The following GRM7 variants were observed in gnomAD, a reference collection of about 807,000 sequenced individuals.
The protein encoded by GRM7 is glutamate metabotropic receptor 7.
In GRM7, 35 loss-of-function variants were observed where a neutral mutation model predicts 84.5. That is an observed-to-expected ratio of 0.41 (90% confidence interval 0.32 to 0.55). The LOEUF is 0.55. Ranked by LOEUF, GRM7 falls within the 20% of genes least tolerant of loss-of-function variation. GRM7 has a pLI of 0.19. For missense variants in GRM7, 1,003 were observed against 1,194.6 expected, an observed-to-expected ratio of 0.84 and a Z score of 2.36; for synonymous variants, 487 against 455.1, an observed-to-expected ratio of 1.07 and a Z score of -0.89.
chr3:6,949,632 A>G (rs549435380), intron 1 of GRM7, among the ~76,000 whole-genome samples: 89 of 151,792 alleles, frequency 5.9e-4, no homozygotes, highest in African/African-American at 2.1e-3. Context: ...GTTCTCCTGG[A>G]TAATATCCTG....
At chr3:7,301,860 A>T (rs1332260892) in intron 3 of GRM7, among the ~76,000 whole-genome samples, 1 of 152,168 alleles carries the variant, frequency 6.6e-6, no homozygotes, top group Non-Finnish European at 1.5e-5. Context: ...TACATTGTAG[A>T]TGGGAAAATT....
intron 1 of GRM7, among the ~76,000 whole-genome samples, chr3:7,130,595 T>C (rs907472897): frequency 6.7e-6 from 1 of 150,054 alleles, no homozygotes; most frequent in Non-Finnish European, 1.5e-5. Context: ...ATGGAGAGGA[T>C]TAGTAGCTCT....
chr3:7,629,398 G>A (rs1203911266), intron 8 of GRM7, among the ~76,000 whole-genome samples: 5 of 152,112 alleles, frequency 3.3e-5, no homozygotes, highest in African/African-American at 1.2e-4. Flanking sequence ...TTTCTGGTGA[G>A]GACTCTCCTC....
rs5846532 is a variant in GRM7, at chr3:7,703,441, C to CTT, written c.2698+23155_2698+23156dup. Among the ~76,000 whole-genome samples, 651 of 149,768 alleles carry CTT rather than the reference C, an allele frequency of 4.3e-3. 9 individuals are homozygous for CTT. The highest frequency in any genetic ancestry group is 0.014 in the African/African-American group (590 of 40,770). Reference sequence around the variant, plus strand: ...TTCATTGAAAGATTTCACATTAAGACTTTTTTTTTTAATCTGGTGGATGGC... The same window carrying CTT: ...TTCATTGAAAGATTTCACATTAAGACTTTTTTTTTTTTAATCTGGTGGATGGC... On this transcript the variant is annotated intron_variant, in intron 9 of 9. Transcript: ENST00000357716.
chr3:6,886,142 A>T (rs1254973477), intron 1 of GRM7, among the ~76,000 whole-genome samples: 2 of 151,692 alleles, frequency 1.3e-5, no homozygotes, highest in African/African-American at 4.8e-5. Flanking sequence ...GGACACTAAG[A>T]TTTTCTCTCT....
intron 4 of GRM7, among the ~76,000 whole-genome samples, chr3:7,356,031 CCA>C (rs1339106480): frequency 6.6e-6 from 1 of 152,012 alleles, no homozygotes; most frequent in Non-Finnish European, 1.5e-5. Flanking sequence ...GAAGTCTTCC[CCA>C]TAGGCAGAAC....
At chr3:7,550,373 C>T (rs1015540558) in intron 7 of GRM7, among the ~76,000 whole-genome samples, 1 of 142,700 alleles carries the variant, frequency 7.0e-6, no homozygotes, top group Non-Finnish European at 1.5e-5. Flanking sequence ...TCCTTCCTTT[C>T]TCTCTCTTCC....
In GRM7 at chr3:7,578,430, C is replaced by T; in HGVS notation, c.1524C>T (p.Asp508=). 1.3e-6 allele frequency: 2 copies of T among 1,598,990 alleles called. No homozygotes were observed. Among genetic ancestry groups the T allele is most frequent in the Non-Finnish European group, 1.7e-6 (2 of 1,168,984 alleles). The change falls in exon 8 of 10, where the codon GAC becomes GAT. Residue 508 remains aspartate (D), a synonymous_variant. Transcript: ENST00000357716. ...WTDELQLNIE[D]MQWGKGVREI... is the part of the protein sequence containing the mutation. The stretch of plus-strand genomic sequence containing the variant: ...TATTTCTTATGTTACAGATAGAAGA[C>T]ATGCAGTGGGGTAAAGGAGTCCGAG...
chr3:6,877,748 T>C (rs1354062323), intron 1 of GRM7, among the ~76,000 whole-genome samples: 1 of 151,828 alleles, frequency 6.6e-6, no homozygotes, highest in Non-Finnish European at 1.5e-5. Flanking sequence ...AAAATTTTCA[T>C]ATAGATGGAC....
intron 7 of GRM7, among the ~76,000 whole-genome samples, chr3:7,528,432 A>G (rs1700893250): frequency 6.6e-6 from 1 of 151,986 alleles, no homozygotes; most frequent in Non-Finnish European, 1.5e-5. Context: ...AATTCAACTA[A>G]TGGTCTATTG....
intron 1 of GRM7, among the ~76,000 whole-genome samples, chr3:7,080,695 T>TAC (rs1698248219): frequency 7.1e-6 from 1 of 141,264 alleles, no homozygotes; most frequent in Non-Finnish European, 1.5e-5. Flanking sequence ...TGTATATATA[T>TAC]ATACAAACTA....
chr3:7,552,398 G>T (rs150373173), intron 7 of GRM7, among the ~76,000 whole-genome samples: 1 of 152,150 alleles, frequency 6.6e-6, no homozygotes, highest in Non-Finnish European at 1.5e-5. Context: ...GGAAGACAGC[G>T]ATCCTCTTCT....
chr3:7,141,098 G>A (rs540228713), intron 1 of GRM7, among the ~76,000 whole-genome samples: 52 of 151,992 alleles, frequency 3.4e-4, no homozygotes, highest in Middle Eastern at 3.4e-3. Context: ...AATAACAAAA[G>A]GGAAAGGAAT....
At chr3:7,033,699 TA>T (rs1696275182) in intron 1 of GRM7, among the ~76,000 whole-genome samples, 1 of 152,144 alleles carries the variant, frequency 6.6e-6, no homozygotes, top group Non-Finnish European at 1.5e-5. Context: ...TAAAAAACAA[TA>T]AGCAGAACAG....
intron 7 of GRM7, among the ~76,000 whole-genome samples, chr3:7,522,133 C>T (rs1418554807): frequency 6.6e-6 from 1 of 152,026 alleles, no homozygotes; most frequent in South Asian, 2.1e-4. Context: ...CTTTGTCTAA[C>T]CTGGAAATAA....
intron 1 of GRM7, among the ~76,000 whole-genome samples, chr3:7,067,619 G>A (rs1035230699): frequency 1.4e-4 from 22 of 151,892 alleles, no homozygotes; most frequent in Admixed American, 1.4e-3. Flanking sequence ...GCAGGCAGCC[G>A]AGAGTCAAGG....
chr3:7,101,345 A>G (rs1699101536), intron 1 of GRM7, among the ~76,000 whole-genome samples: 1 of 151,622 alleles, frequency 6.6e-6, no homozygotes. Flanking sequence ...TTTGTATCAC[A>G]TTTTGGTTAT....
chr3:7,001,570 G>A (rs561532183), intron 1 of GRM7, among the ~76,000 whole-genome samples: 1 of 151,918 alleles, frequency 6.6e-6, no homozygotes, highest in Admixed American at 6.6e-5. Flanking sequence ...CTTGTTTCAG[G>A]TTTTAAAATA....
At chr3:7,733,125 T>C (rs1702386919) in intron 9 of GRM7, among the ~76,000 whole-genome samples, 1 of 152,184 alleles carries the variant, frequency 6.6e-6, no homozygotes, top group South Asian at 2.1e-4. Context: ...AAGGTCTTTA[T>C]GACCTGTATC....
Sources: allele counts gnomAD v4.1 joint callset (sites outside exome capture counted in the v4.1 genomes callset), GRCh38; gene constraint gnomAD v4.1.1; transcripts MANE v1.5; gene names NCBI Gene and HGNC (gene_info 2026-07-23, HGNC 2026-07-21).